DIAPH3: variants seen among roughly 807,000 people sequenced by gnomAD.
The protein encoded by DIAPH3 is protein diaphanous homolog 3.
In DIAPH3, 117 loss-of-function variants were observed where a neutral mutation model predicts 144.3. The observed-to-expected ratio is 0.81, with a 90% confidence interval of 0.70 to 0.95. The LOEUF (loss-of-function observed/expected upper bound fraction) is 0.95. Ranked by LOEUF, DIAPH3 falls within the 40% of genes least tolerant of loss-of-function variation. The pLI is 0.00. For synonymous variants in DIAPH3, 519 were observed against 488.9 expected (o/e 1.06, Z -0.81); for missense variants, 1,421 against 1,412.7 (o/e 1.01, Z -0.09).
intron 3 of DIAPH3, among the ~76,000 whole-genome samples, chr13:60,098,735 A>G (rs532464675): frequency 1.3e-5 from 2 of 152,328 alleles, no homozygotes; most frequent in African/African-American, 4.8e-5. Context: ...TTACTGTGCT[A>G]CCACACTACA....
intron 5 of DIAPH3, 113 bp from the exon 6 acceptor site, chr13:60,016,258 T>G: frequency 1.1e-6 from 1 of 928,754 alleles, no homozygotes; most frequent in Non-Finnish European, 1.7e-6. Flanking sequence ...AACTAAAACA[T>G]AAGAATAACA....
intron 22 of DIAPH3, among the ~76,000 whole-genome samples, chr13:59,844,064 A>G (rs2042488883): frequency 1.3e-5 from 2 of 151,700 alleles, no homozygotes; most frequent in South Asian, 4.2e-4. Flanking sequence ...ACGTTTACCT[A>G]TGTAACAAAC....
Position 59,756,915 on chromosome 13 carries a change from C to T in DIAPH3, c.3319+17274G>A, listed in dbSNP as rs560994548. Among the ~76,000 whole-genome samples the T allele has an allele frequency of 7.9e-5, 12 of 152,104 alleles. No individual in the cohort carries two copies. The East Asian group carries it at 2.3e-3, about 29-fold the overall frequency. ...TCACAAACAGTAATAATAATTTATC[C>T]TAATAGAGAAAAAAGAAAGAGGAAA... On this transcript the variant is annotated intron_variant, in intron 27 of 27. Coordinates refer to ENST00000400324, the MANE Select transcript of DIAPH3 (RefSeq NM_001042517.2).
In DIAPH3 at chr13:59,924,793, T is replaced by C; in HGVS notation, c.2152A>G (p.Lys718Glu). 1 of 1,602,128 alleles carries C rather than the reference T, an allele frequency of 6.2e-7. No individual in the cohort carries two copies. Among genetic ancestry groups the C allele is most frequent in the Non-Finnish European group, 8.5e-7 (1 of 1,171,734 alleles). The change falls in exon 18 of 28, where the codon AAA (lysine) becomes GAA (glutamate). Residue 718 changes from lysine to glutamate, a missense_variant. Physicochemically the swap from Lys to Glu is moderately conservative, Grantham distance 56 (BLOSUM62 1). Transcript: ENST00000400324. ...TACTTACAAAGGTTCTGGGCAATTT[T>C]AGAATCTAAAAACTTAAGTTCTTTA... Reference protein sequence around the residue: ...KIKELKFLDSKIAQNLSIFLS... With the variant: ...KIKELKFLDSEIAQNLSIFLS...
At chr13:60,001,532 CAA>C (rs1161972254) in intron 9 of DIAPH3, among the ~76,000 whole-genome samples, 11 of 152,220 alleles carry the variant, frequency 7.2e-5, no homozygotes, top group African/African-American at 2.7e-4. Context: ...ACCTGGAAGC[CAA>C]GTTGAAAGCT....
intron 1 of DIAPH3, among the ~76,000 whole-genome samples, chr13:60,162,063 T>G (rs1297762065): frequency 6.6e-6 from 1 of 152,148 alleles, no homozygotes; most frequent in African/African-American, 2.4e-5. Context: ...AAACACAGTG[T>G]TTTAGATGTG....
At chr13:59,881,304 G>C (rs1051870040) in intron 20 of DIAPH3, among the ~76,000 whole-genome samples, 2 of 151,976 alleles carry the variant, frequency 1.3e-5, no homozygotes, top group South Asian at 2.1e-4. Context: ...ATACAAAAGA[G>C]CACTCACATG....
At position 60,156,918 on chromosome 13, in the gene DIAPH3, C is replaced by CACATATAT. The variant is rs1324633645; in HGVS notation, c.180+6668_180+6669insATATATGT. ...TAGTGGCCCAGAGACCCAGATCCTTCATATATATATATATATATATATTTT... is the reference window on the plus strand; with the variant it reads ...TAGTGGCCCAGAGACCCAGATCCTTCACATATATATATATATATATATATATATATTTT... On this transcript the variant is annotated intron_variant, in intron 1 of 27. Transcript: ENST00000400324. Among the ~76,000 whole-genome samples, 139 of 55,508 alleles carry CACATATAT rather than the reference C, an allele frequency of 2.5e-3. 9 individuals are homozygous for CACATATAT. The highest frequency in any genetic ancestry group is 3.6e-3 in the Non-Finnish European group (104 of 29,118). The allele number at this position is 55,508 out of a possible 152,430, so 36.4% of individuals were successfully genotyped here.
intron 3 of DIAPH3, among the ~76,000 whole-genome samples, chr13:60,108,097 C>T (rs928959798): frequency 1.3e-5 from 2 of 152,128 alleles, no homozygotes; most frequent in African/African-American, 4.8e-5. Flanking sequence ...AGTTAGGAAG[C>T]TGCACTTAAC....
At chr13:60,073,640 T>C (rs983806854) in intron 4 of DIAPH3, among the ~76,000 whole-genome samples, 3 of 152,200 alleles carry the variant, frequency 2.0e-5, no homozygotes, top group African/African-American at 7.2e-5. Flanking sequence ...ATTTATGGCA[T>C]CCAGCATTGT....
chr13:59,897,064 A>C (rs1429722761), intron 20 of DIAPH3, among the ~76,000 whole-genome samples: 2 of 152,252 alleles, frequency 1.3e-5, no homozygotes, highest in Non-Finnish European at 1.5e-5. Context: ...TATTAAAAAA[A>C]TTATATGTGT....
intron 17 of DIAPH3, among the ~76,000 whole-genome samples, chr13:59,930,869 A>G (rs1424559656): frequency 6.6e-6 from 1 of 152,178 alleles, no homozygotes; most frequent in Non-Finnish European, 1.5e-5. Flanking sequence ...CAATAACAAC[A>G]GGGAAGGAGA....
chr13:59,955,484 T>G (rs2049348581), intron 17 of DIAPH3, among the ~76,000 whole-genome samples: 1 of 152,206 alleles, frequency 6.6e-6, no homozygotes, highest in Non-Finnish European at 1.5e-5. Flanking sequence ...TTAATTAAAC[T>G]TCTTTTTCTT....
At chr13:59,750,913 T>C (rs2036974275) in intron 27 of DIAPH3, among the ~76,000 whole-genome samples, 1 of 152,228 alleles carries the variant, frequency 6.6e-6, no homozygotes, top group Admixed American at 6.5e-5. Context: ...GTCTTCTCTT[T>C]CCCTCTCCCA....
intron 27 of DIAPH3, among the ~76,000 whole-genome samples, chr13:59,749,976 C>T (rs1009131625): frequency 2.2e-4 from 34 of 152,256 alleles, no homozygotes; most frequent in African/African-American, 7.9e-4. Flanking sequence ...ACATGGAGTT[C>T]TTTCAAGGAA....
intron 25 of DIAPH3, among the ~76,000 whole-genome samples, chr13:59,799,110 A>G (rs1438337299): frequency 1.3e-5 from 2 of 152,052 alleles, no homozygotes; most frequent in African/African-American, 2.4e-5. Flanking sequence ...CAAGGAGGGA[A>G]CTAAGAGAAA....
chr13:60,037,328 T>C (rs2055303853), intron 5 of DIAPH3, among the ~76,000 whole-genome samples: 1 of 151,966 alleles, frequency 6.6e-6, no homozygotes, highest in Non-Finnish European at 1.5e-5. Flanking sequence ...TATATACATA[T>C]ACACACAGTT....
intron 27 of DIAPH3, among the ~76,000 whole-genome samples, chr13:59,709,943 T>C (rs1165674352): frequency 2.0e-5 from 3 of 151,938 alleles, no homozygotes; most frequent in Non-Finnish European, 4.4e-5. Context: ...ATGTCCTTTG[T>C]AGGGACATGG....
At chr13:59,988,451 T>G (rs892031226) in intron 12 of DIAPH3, among the ~76,000 whole-genome samples, 2 of 151,844 alleles carry the variant, frequency 1.3e-5, no homozygotes, top group Non-Finnish European at 2.9e-5. Flanking sequence ...GAAATCATAA[T>G]TTTAGTAAGT....
Sources: gnomAD v4.1 joint callset for allele counts (sites outside exome capture counted in the v4.1 genomes callset) on GRCh38, gnomAD v4.1.1 for gene constraint, MANE v1.5 for transcripts, NCBI Gene and HGNC (gene_info 2026-07-23, HGNC 2026-07-21) for gene names.